Variants in ZBTB7C observed in about 807,000 individuals in gnomAD.
ZBTB7C encodes the protein zinc finger and BTB domain containing 7C.
Under a neutral mutation model 25.7 loss-of-function variants are expected in ZBTB7C, and 8 were observed. That is an observed-to-expected ratio of 0.31 (90% CI 0.18 to 0.56). ZBTB7C has a LOEUF of 0.56. Ranked by LOEUF, ZBTB7C falls within the 20% of genes least tolerant of loss-of-function variation. The pLI, the probability that ZBTB7C is intolerant of heterozygous loss-of-function variation, is 0.91. For synonymous variants in ZBTB7C, 394 were observed against 369.0 expected (o/e 1.07, Z -0.78); for missense variants, 824 against 855.2 (o/e 0.96, Z 0.46).
chr18:48,180,112 T>TTTCCTTTCCTTCCTTCCTTCCTTCC (rs2041866875), intron 3 of ZBTB7C, among the ~76,000 whole-genome samples: 1 of 52,088 alleles, frequency 1.9e-5, no homozygotes, highest in Non-Finnish European at 3.4e-5. Flanking sequence ...CCTTCCTTCC[T>TTTCCTTTCCTTCCTTCCTTCCTTCC]TTCCTTCCTT....
At chr18:48,062,706 A>C (rs2037171757) in intron 3 of ZBTB7C, among the ~76,000 whole-genome samples, 1 of 152,204 alleles carries the variant, frequency 6.6e-6, no homozygotes, top group South Asian at 2.1e-4. Flanking sequence ...CCAAAGGCTA[A>C]AAACTGGGAT....
intron 3 of ZBTB7C, 96 bp from the exon 4 acceptor site, chr18:48,041,219 G>A (rs72918159): frequency 3.4e-6 from 5 of 1,454,628 alleles, no homozygotes; most frequent in African/African-American, 2.8e-5. Flanking sequence ...TGGCATAAGG[G>A]CTCCCTGTCC....
At chr18:48,325,708 A>G (rs1250650495) in intron 2 of ZBTB7C, among the ~76,000 whole-genome samples, 1 of 152,236 alleles carries the variant, frequency 6.6e-6, no homozygotes, top group Non-Finnish European at 1.5e-5. Flanking sequence ...AACAGTGTGC[A>G]TAACATCATT....
chr18:48,384,759 G>T (rs2047708399), intron 1 of ZBTB7C, among the ~76,000 whole-genome samples: 1 of 152,126 alleles, frequency 6.6e-6, no homozygotes, highest in Non-Finnish European at 1.5e-5. Flanking sequence ...TTGGCTCACT[G>T]CAACCTCTGC....
chr18:48,217,423 G>A (rs943744522), intron 2 of ZBTB7C, among the ~76,000 whole-genome samples: 1 of 152,132 alleles, frequency 6.6e-6, no homozygotes, highest in Admixed American at 6.5e-5. Context: ...CGTAAGCACA[G>A]GGGATTTTGA....
At chr18:48,090,132 G>T (rs2038356775) in intron 3 of ZBTB7C, among the ~76,000 whole-genome samples, 1 of 152,260 alleles carries the variant, frequency 6.6e-6, no homozygotes, top group African/African-American at 2.4e-5. Context: ...CACAGCCAGA[G>T]ACAGCATGTG....
chr18:48,302,154 T>G (rs937552942), intron 2 of ZBTB7C, among the ~76,000 whole-genome samples: 1 of 152,186 alleles, frequency 6.6e-6, no homozygotes, highest in Admixed American at 6.5e-5. Context: ...AACTCTGTCC[T>G]ATAATCCCCT....
intron 2 of ZBTB7C, among the ~76,000 whole-genome samples, chr18:48,271,474 T>C (rs1470233595): frequency 6.7e-6 from 1 of 148,906 alleles, no homozygotes; most frequent in Admixed American, 6.7e-5. Flanking sequence ...ATGTATATGA[T>C]ACATAAATCA....
At chr18:48,363,564 A>T (rs1013435152) in intron 1 of ZBTB7C, among the ~76,000 whole-genome samples, 1 of 152,174 alleles carries the variant, frequency 6.6e-6, no homozygotes, top group South Asian at 2.1e-4. Context: ...AAAATATGAG[A>T]TGAATTTTGA....
intron 3 of ZBTB7C, among the ~76,000 whole-genome samples, chr18:48,048,954 C>G (rs556992387): frequency 6.6e-6 from 1 of 152,252 alleles, no homozygotes; most frequent in South Asian, 2.1e-4. Flanking sequence ...AGCCCATGCC[C>G]CAGGCCACAT....
At chr18:48,302,021 G>A (rs1346091896) in intron 2 of ZBTB7C, among the ~76,000 whole-genome samples, 1 of 151,854 alleles carries the variant, frequency 6.6e-6, no homozygotes, top group African/African-American at 2.4e-5. Context: ...CCACTCCCCG[G>A]CTTTTAGGAA....
At chr18:48,349,772 A>C (rs1598927550) in intron 1 of ZBTB7C, among the ~76,000 whole-genome samples, 1 of 152,186 alleles carries the variant, frequency 6.6e-6, no homozygotes, top group East Asian at 1.9e-4. Context: ...TTCCACATTT[A>C]ACAGAGGCCA....
intron 3 of ZBTB7C, among the ~76,000 whole-genome samples, chr18:48,092,691 C>T (rs1454419197): frequency 1.3e-5 from 2 of 152,186 alleles, no homozygotes; most frequent in East Asian, 3.8e-4. Context: ...AGAGGGGGAA[C>T]CCTAACCACT....
chr18:48,193,510 C>T (rs998537361), intron 2 of ZBTB7C, among the ~76,000 whole-genome samples: 2 of 152,212 alleles, frequency 1.3e-5, no homozygotes, highest in Non-Finnish European at 2.9e-5. Context: ...TACCCAACCT[C>T]CCAACAGAGT....
At chr18:48,247,029 A>G (rs2043714596) in intron 2 of ZBTB7C, among the ~76,000 whole-genome samples, 1 of 152,204 alleles carries the variant, frequency 6.6e-6, no homozygotes, top group African/African-American at 2.4e-5. Context: ...GCCTCATATA[A>G]GGGGTTCTAT....
Position 48,040,128 on chromosome 18 carries a change from G to A in ZBTB7C, c.980C>T (p.Ala327Val), listed in dbSNP as rs146193127. Residue 327 changes from alanine to valine, a missense_variant, in exon 4 of 5, where the codon GCG becomes GTG. By Grantham distance (64) the Ala-to-Val change is moderately conservative. This residue lies in a region of ZBTB7C where 316 missense variants were observed against 299.2 expected (regional missense o/e 1.06). Coordinates refer to ENST00000590800, the MANE Select transcript of ZBTB7C (RefSeq NM_001318841.2). ...LPGGPLGPIK[A>V]ENDYGAYLNF... Reference sequence around the variant, plus strand: ...GAGATAGGCACCGTAGTCGTTCTCCGCCTTGATGGGTCCCAGAGGCCCCCC... The same window carrying A: ...GAGATAGGCACCGTAGTCGTTCTCCACCTTGATGGGTCCCAGAGGCCCCCC... 181 of 1,591,756 alleles carry A rather than the reference G, an allele frequency of 1.1e-4. No individual in the cohort carries two copies. The highest frequency in any genetic ancestry group is 2.0e-4 in the East Asian group (9 of 44,718).
At chr18:48,241,604 T>C (rs1275426714) in intron 2 of ZBTB7C, among the ~76,000 whole-genome samples, 1 of 152,180 alleles carries the variant, frequency 6.6e-6, no homozygotes, top group Non-Finnish European at 1.5e-5. Flanking sequence ...TCCTGAATGA[T>C]TGTTGGTACA....
chr18:48,059,459 C>T (rs975734488), intron 3 of ZBTB7C, among the ~76,000 whole-genome samples: 4 of 152,154 alleles, frequency 2.6e-5, no homozygotes, highest in African/African-American at 9.7e-5. Flanking sequence ...GCAACCTCCC[C>T]ACCTGAGACC....
At chr18:48,410,126 G>A (rs1214741808), upstream of ZBTB7C, among the ~76,000 whole-genome samples, 1 of 152,194 alleles carries the variant, frequency 6.6e-6, no homozygotes, top group African/African-American at 2.4e-5. Context: ...CCCGAAAGTC[G>A]GGAGCAAGGA....
Sources: gnomAD v4.1 joint callset for allele counts (sites outside exome capture counted in the v4.1 genomes callset) on GRCh38, gnomAD v4.1.1 for gene constraint, gnomAD v4.1.1 regional missense constraint, MANE v1.5 for transcripts, NCBI Gene and HGNC (gene_info 2026-07-23, HGNC 2026-07-21) for gene names.